ST8SIA1: variants seen among roughly 807,000 people sequenced by gnomAD.
ST8SIA1 encodes the protein ST8 alpha-N-acetyl-neuraminide alpha-2,8-sialyltransferase 1, also known as alpha-N-acetylneuraminide alpha-2,8-sialyltransferase.
Under a neutral mutation model 35.9 loss-of-function variants are expected in ST8SIA1, and 16 were observed. The ratio of observed to expected loss-of-function variants is 0.45; its 90% CI spans 0.30 to 0.68. The LOEUF is 0.68. ST8SIA1 is among the 30% of genes least tolerant of loss of function. The pLI is 0.09. For synonymous variants in ST8SIA1, 170 were observed against 169.6 expected (o/e 1.00, Z -0.02); for missense variants, 383 against 453.6 (o/e 0.84, Z 1.41).
intron 1 of ST8SIA1, among the ~76,000 whole-genome samples, chr12:22,306,712 A>G (rs892200124): frequency 2.0e-5 from 3 of 152,160 alleles, no homozygotes; most frequent in Admixed American, 6.5e-5. Flanking sequence ...TGTGCTGGAC[A>G]CTTGGTGTTC....
intron 1 of ST8SIA1, among the ~76,000 whole-genome samples, chr12:22,329,816 T>C (rs1347193546): frequency 6.6e-6 from 1 of 152,040 alleles, no homozygotes; most frequent in Non-Finnish European, 1.5e-5. Context: ...TACCACCCAA[T>C]GAGTCGACAG....
chr12:22,322,006 A>C (rs1352126606), intron 1 of ST8SIA1, among the ~76,000 whole-genome samples: 1 of 152,238 alleles, frequency 6.6e-6, no homozygotes, highest in Admixed American at 6.5e-5. Context: ...AAGGTTTTAA[A>C]GTGCTTTTCC....
At chr12:22,333,766 T>C (rs903207367) in intron 1 of ST8SIA1, 1 of 734,946 alleles carries the variant, frequency 1.4e-6, no homozygotes, top group South Asian at 1.5e-5. Context: ...CGTCGAGTCT[T>C]TACATGCGCA....
intron 4 of ST8SIA1, among the ~76,000 whole-genome samples, chr12:22,247,385 G>C (rs1054032037): frequency 1.3e-5 from 2 of 152,046 alleles, no homozygotes; most frequent in African/African-American, 4.8e-5. Context: ...AGATTATGTA[G>C]AGCCTTCTTG....
intron 2 of ST8SIA1, among the ~76,000 whole-genome samples, chr12:22,264,050 G>A (rs975109299): frequency 3.3e-5 from 5 of 151,780 alleles, no homozygotes; most frequent in African/African-American, 9.7e-5. Flanking sequence ...CCTCACCCAC[G>A]TATCCTCCTG....
intron 1 of ST8SIA1, among the ~76,000 whole-genome samples, chr12:22,303,306 T>C (rs1866339632): frequency 6.6e-6 from 1 of 150,778 alleles, no homozygotes; most frequent in Admixed American, 6.6e-5. Context: ...AAAGTTTATA[T>C]TGCCATACAA....
chr12:22,222,135 AAACTT>A (rs1314292388), intron 4 of ST8SIA1, among the ~76,000 whole-genome samples: 5 of 152,238 alleles, frequency 3.3e-5, no homozygotes, highest in East Asian at 1.9e-4. Flanking sequence ...TTAAGTAAAC[AAACTT>A]AACTTATTTA....
intron 1 of ST8SIA1, among the ~76,000 whole-genome samples, chr12:22,315,514 A>G (rs765007755): frequency 4.6e-5 from 7 of 152,146 alleles, no homozygotes; most frequent in Non-Finnish European, 8.8e-5. Context: ...ACAAGAATCT[A>G]AACTATTTTC....
rs1865006533 is a variant in ST8SIA1, at chr12:22,197,832, T to A, written c.*3720A>T. The A allele has an allele frequency of 6.6e-6, 1 of 152,180 alleles. No individual in the cohort carries two copies. The highest frequency in any genetic ancestry group is 1.5e-5 in the Non-Finnish European group (1 of 68,032). The allele number at this position is 152,180 out of a possible 1,614,324, so 9.4% of individuals were successfully genotyped here. On this transcript the variant is annotated 3_prime_UTR_variant, in exon 5 of 5. Coordinates refer to ENST00000396037, the MANE Select transcript of ST8SIA1 (RefSeq NM_003034.4). ...GTGCCATTTGAGATCATTTACTTCC[T>A]ACCCTTGTGAAGACAGATAAAAGTG... is the stretch of plus-strand genomic sequence containing the variant.
At chr12:22,331,199 C>T (rs1242107721) in intron 1 of ST8SIA1, among the ~76,000 whole-genome samples, 1 of 150,436 alleles carries the variant, frequency 6.6e-6, no homozygotes, top group Non-Finnish European at 1.5e-5. Flanking sequence ...TGAAACACTC[C>T]CTTTTCTCTT....
At chr12:22,284,828 A>T (rs919453222) in intron 2 of ST8SIA1, among the ~76,000 whole-genome samples, 2 of 152,350 alleles carry the variant, frequency 1.3e-5, no homozygotes, top group Admixed American at 1.3e-4. Context: ...TGCAACCGAT[A>T]GATAATATAG....
chr12:22,204,420 T>C (rs1865084487), intron 4 of ST8SIA1, among the ~76,000 whole-genome samples: 1 of 152,204 alleles, frequency 6.6e-6, no homozygotes, highest in Admixed American at 6.5e-5. Flanking sequence ...ACATTCTCAT[T>C]CTGTCATTTC....
Position 22,320,780 on chromosome 12 carries a change from T to C in ST8SIA1, c.236+13217A>G, listed in dbSNP as rs112992892. ...AGCCCAGCAGGGCTGCAGTGAGCTA[T>C]GATTGCACCACTGCACTCCAGCCTG... On this transcript the variant is annotated intron_variant, in intron 1 of 4. Coordinates refer to ENST00000396037, the MANE Select transcript of ST8SIA1 (RefSeq NM_003034.4). 2.6e-4 allele frequency among the ~76,000 whole-genome samples: 39 copies of C among 147,638 alleles called. 1 individual carries two copies. Among genetic ancestry groups the C allele is most frequent in the African/African-American group, 9.6e-4 (38 of 39,660 alleles).
intron 4 of ST8SIA1, among the ~76,000 whole-genome samples, chr12:22,234,451 T>G (rs1865453785): frequency 6.6e-6 from 1 of 152,198 alleles, no homozygotes; most frequent in African/African-American, 2.4e-5. Context: ...ACAATCATTT[T>G]GCACACATCT....
At chr12:22,221,019 T>G (rs1223597933) in intron 4 of ST8SIA1, among the ~76,000 whole-genome samples, 1 of 152,222 alleles carries the variant, frequency 6.6e-6, no homozygotes, top group African/African-American at 2.4e-5. Flanking sequence ...AAATATCACA[T>G]GCAGGCTATG....
intron 2 of ST8SIA1, among the ~76,000 whole-genome samples, chr12:22,260,768 C>T (rs985439019): frequency 8.6e-5 from 13 of 151,622 alleles, no homozygotes; most frequent in African/African-American, 3.2e-4. Flanking sequence ...TATGTACTAA[C>T]AAAATTGCAT....
At chr12:22,258,717 G>T (rs561482313) in intron 2 of ST8SIA1, among the ~76,000 whole-genome samples, 2 of 152,268 alleles carry the variant, frequency 1.3e-5, no homozygotes, top group South Asian at 4.1e-4. Flanking sequence ...GTTCACTCAT[G>T]TTCAACTAAT....
At chr12:22,210,360 G>A (rs1322831311) in intron 4 of ST8SIA1, among the ~76,000 whole-genome samples, 2 of 152,116 alleles carry the variant, frequency 1.3e-5, no homozygotes, top group African/African-American at 4.8e-5. Context: ...AGTGGTAAGG[G>A]TCTCTGTGTA....
In ST8SIA1 at chr12:22,334,092, G is replaced by T; in HGVS notation, c.141C>A (p.Pro47=). 6.2e-7 allele frequency: 1 copy of T among 1,614,032 alleles called. No homozygotes were observed. Among genetic ancestry groups the T allele is most frequent in the South Asian group, 1.1e-5 (1 of 91,062 alleles). Residue 47 remains proline, a synonymous_variant, in exon 1 of 5, where the codon CCC becomes CCA. Transcript: ENST00000396037. ...VVVLCWLYIF[P]VYRLPNEKEI... ...CTTTCTCGTTGGGCAGCCGGTAGAC[G>T]GGGAAGATGTAGAGCCAACAGAGGA...
Sources: allele counts gnomAD v4.1 joint callset (sites outside exome capture counted in the v4.1 genomes callset), GRCh38; gene constraint gnomAD v4.1.1; transcripts MANE v1.5; gene names NCBI Gene and HGNC (gene_info 2026-07-23, HGNC 2026-07-21).